IPCEF1: variants seen among roughly 807,000 people sequenced by gnomAD.
IPCEF1 encodes interactor protein for cytohesin exchange factors 1.
In IPCEF1, 31 loss-of-function variants were observed where a neutral mutation model predicts 50.9. The ratio of observed to expected loss-of-function variants is 0.61; its 90% CI spans 0.46 to 0.82. IPCEF1 has a LOEUF of 0.82. Ranked by LOEUF, IPCEF1 falls within the 40% of genes least tolerant of loss-of-function variation. IPCEF1 has a pLI of 0.00. For missense variants in IPCEF1, 458 were observed against 514.0 expected (o/e 0.89, Z 1.05); for synonymous variants, 181 against 192.0 (o/e 0.94, Z 0.47).
Position 154,246,775 on chromosome 6 carries a change from T to G in IPCEF1, c.77-15A>C, listed in dbSNP as rs1307662066. ...CGTGAGAAAACCTGCAATGATTACATGAAGAGGTAGATAATGTATTACCCT... is the reference window on the plus strand; with the variant it reads ...CGTGAGAAAACCTGCAATGATTACAGGAAGAGGTAGATAATGTATTACCCT... On this transcript the variant is annotated splice_polypyrimidine_tract_variant and intron_variant, in intron 4 of 11. Coordinates refer to ENST00000367220, the MANE Select transcript of IPCEF1 (RefSeq NM_001130700.2). The G allele has an allele frequency of 6.2e-7, 1 of 1,613,218 alleles. No individual in the cohort carries two copies. The highest frequency in any genetic ancestry group is 1.7e-5 in the Admixed American group (1 of 59,900).
intron 5 of IPCEF1, among the ~76,000 whole-genome samples, chr6:154,244,400 C>T (rs1453201104): frequency 6.6e-6 from 1 of 151,522 alleles, no homozygotes; most frequent in Non-Finnish European, 1.5e-5. Flanking sequence ...GTTTGCATAC[C>T]ATTAGTTTAA....
At chr6:154,249,051 G>A (rs2128645392) in intron 3 of IPCEF1, among the ~76,000 whole-genome samples, 1 of 152,204 alleles carries the variant, frequency 6.6e-6, no homozygotes, top group African/African-American at 2.4e-5. Context: ...ACCAATGTTA[G>A]AGTAAAATTT....
intron 10 of IPCEF1, among the ~76,000 whole-genome samples, chr6:154,182,358 C>A (rs1208122175): frequency 6.6e-6 from 1 of 152,100 alleles, no homozygotes; most frequent in Non-Finnish European, 1.5e-5. Flanking sequence ...ATTGGGTGAT[C>A]TTTAATGGTT....
At chr6:154,256,089 T>C (rs1349617812) in intron 3 of IPCEF1, among the ~76,000 whole-genome samples, 1 of 152,096 alleles carries the variant, frequency 6.6e-6, no homozygotes, top group Non-Finnish European at 1.5e-5. Context: ...TGTAACAGAG[T>C]ACCATAGACT....
chr6:154,261,729 A>AT (rs895638802), intron 3 of IPCEF1, among the ~76,000 whole-genome samples: 16 of 151,936 alleles, frequency 1.1e-4, no homozygotes, highest in African/African-American at 1.5e-4. Context: ...AATTCTGAGC[A>AT]TTTTTTTTAG....
intron 6 of IPCEF1, among the ~76,000 whole-genome samples, chr6:154,221,769 G>A (rs964956407): frequency 6.6e-6 from 1 of 152,136 alleles, no homozygotes; most frequent in African/African-American, 2.4e-5. Flanking sequence ...AGCTACCCGG[G>A]AGGCTGAGGC....
chr6:154,322,643 C>T (rs1402701300), intron 1 of IPCEF1, among the ~76,000 whole-genome samples: 1 of 152,092 alleles, frequency 6.6e-6, no homozygotes, highest in Admixed American at 6.6e-5. Context: ...TCAAGACCAG[C>T]CTGGCCAACA....
In IPCEF1 at chr6:154,180,232, T is replaced by C. The variant is rs971353842; in HGVS notation, c.911-12119A>G. Among the ~76,000 whole-genome samples, 4 of 152,136 alleles carry C rather than the reference T, an allele frequency of 2.6e-5. No homozygotes were observed. The East Asian group carries it at 5.8e-4, about 22-fold the overall frequency. ...TTGAGTTGGTGCGAATTTGGGTTAA[T>C]GTCAGTGACCCTTCACTTTTGTTAG... is the stretch of plus-strand genomic sequence containing the variant. On this transcript the variant is annotated intron_variant, in intron 10 of 11. Coordinates refer to ENST00000367220, the MANE Select transcript of IPCEF1 (RefSeq NM_001130700.2).
intron 6 of IPCEF1, among the ~76,000 whole-genome samples, chr6:154,221,820 G>A (rs1433561633): frequency 6.6e-6 from 1 of 152,152 alleles, no homozygotes; most frequent in Non-Finnish European, 1.5e-5. Flanking sequence ...CTTGCAGTGA[G>A]CCGAGATCAT....
chr6:154,234,070 C>T (rs1303492173), intron 5 of IPCEF1, among the ~76,000 whole-genome samples: 1 of 152,114 alleles, frequency 6.6e-6, no homozygotes, highest in African/African-American at 2.4e-5. Context: ...TAGCAAAGCA[C>T]AACTATGTGC....
rs1782465264 is a variant in IPCEF1 at position 154,289,766 on chromosome 6, A to AG, written c.-61-11_-61-10insC. ...TTCTGTTGCCTTTGACCTTTATGGA[A>AG]AAAAAAAAAAAAAAAAGAGAGAGAG... On this transcript the variant is annotated splice_polypyrimidine_tract_variant and intron_variant, in intron 1 of 11. Coordinates refer to ENST00000367220, the MANE Select transcript of IPCEF1 (RefSeq NM_001130700.2). The AG allele has an allele frequency of 9.7e-5, 1 of 10,260 alleles. No individual in the cohort carries two copies. The highest frequency in any genetic ancestry group is 2.1e-3 in the African/African-American group (1 of 482). 0.6% of individuals were successfully genotyped at this position (10,260 alleles called of 1,614,324 possible). A position where few individuals can be genotyped will look rare whatever the true frequency, so the allele number is the denominator to read the frequency against.
intron 5 of IPCEF1, among the ~76,000 whole-genome samples, chr6:154,244,309 T>TGG (rs72234428): frequency 6.6e-6 from 1 of 151,036 alleles, no homozygotes; most frequent in Non-Finnish European, 1.5e-5. Context: ...TGGGTGTGTG[T>TGG]GTGTGTGTGT....
At chr6:154,327,458 T>C (rs1420298861) in intron 1 of IPCEF1, among the ~76,000 whole-genome samples, 2 of 151,698 alleles carry the variant, frequency 1.3e-5, no homozygotes, top group South Asian at 2.1e-4. Flanking sequence ...AAAAAACATA[T>C]GGGGAAAAAA....
At chr6:154,226,425 G>T (rs144412821) in intron 5 of IPCEF1, among the ~76,000 whole-genome samples, 3 of 151,910 alleles carry the variant, frequency 2.0e-5, no homozygotes, top group African/African-American at 7.2e-5. Flanking sequence ...TGACTTCAGT[G>T]AATAATATCA....
chr6:154,355,145 T>C (rs1048366693), intron 1 of IPCEF1, among the ~76,000 whole-genome samples: 5 of 152,210 alleles, frequency 3.3e-5, no homozygotes, highest in Non-Finnish European at 7.3e-5. Context: ...AGAAGTGAGC[T>C]GTTCAAAAGG....
chr6:154,207,568 G>GT (rs67463270), intron 9 of IPCEF1, among the ~76,000 whole-genome samples: 11,962 of 143,682 alleles, frequency 0.083, 913 homozygotes, highest in East Asian at 0.39. Context: ...GGTTTTTTTT[G>GT]TTTTTTTGTT....
At chr6:154,351,352 C>T (rs892152409) in intron 1 of IPCEF1, among the ~76,000 whole-genome samples, 4 of 152,168 alleles carry the variant, frequency 2.6e-5, no homozygotes, top group African/African-American at 9.7e-5. Context: ...GAGGTCCCCC[C>T]AGTCCCCTTT....
At chr6:154,247,155 T>A (rs1039398802) in intron 4 of IPCEF1, 3 of 433,876 alleles carry the variant, frequency 6.9e-6, no homozygotes, top group African/African-American at 2.0e-5. Context: ...ATAACAGCCG[T>A]AGTTATGCAA....
intron 1 of IPCEF1, among the ~76,000 whole-genome samples, chr6:154,302,695 G>C (rs890058608): frequency 6.6e-6 from 1 of 151,842 alleles, no homozygotes; most frequent in East Asian, 1.9e-4. Flanking sequence ...GGCTGGTCTC[G>C]AACTCCTGAG....
Sources: gnomAD v4.1 joint callset for allele counts (sites outside exome capture counted in the v4.1 genomes callset) on GRCh38, gnomAD v4.1.1 for gene constraint, MANE v1.5 for transcripts, NCBI Gene and HGNC (gene_info 2026-07-23, HGNC 2026-07-21) for gene names.